RBFOX1: variants seen among roughly 807,000 people sequenced by gnomAD.
The protein encoded by RBFOX1 is RNA binding fox-1 homolog 1.
A neutral mutation model predicts 57.7 loss-of-function variants in RBFOX1; 8 were observed. That is an observed-to-expected ratio of 0.14 (90% CI 0.08 to 0.25). The LOEUF (loss-of-function observed/expected upper bound fraction) is 0.25. Ranked by LOEUF, RBFOX1 falls within the 10% of genes least tolerant of loss-of-function variation. The probability of loss-of-function intolerance (pLI) is 1.00; values close to 1 mark genes in which losing one functional copy is unlikely to be tolerated. For missense variants in RBFOX1, 611 were observed against 548.5 expected (o/e 1.11, Z -1.14); for synonymous variants, 326 against 222.4 (o/e 1.47, Z -4.15).
chr16:6,790,543 TCCTA>T (rs1021816857), intron 3 of RBFOX1, among the ~76,000 whole-genome samples: 1 of 152,196 alleles, frequency 6.6e-6, no homozygotes. Flanking sequence ...GGTTCTCCTT[TCCTA>T]TTTAGCCTCT....
intron 2 of RBFOX1, among the ~76,000 whole-genome samples, chr16:5,591,139 T>C (rs1596363993): frequency 6.6e-6 from 1 of 152,100 alleles, no homozygotes; most frequent in East Asian, 1.9e-4. Context: ...AAGTATCGGG[T>C]AGCATAAAAA....
chr16:5,899,144 C>CAA lies in RBFOX1; in HGVS notation c.351+31830_351+31831dup, dbSNP rs35163906. On this transcript the variant is annotated intron_variant, in intron 4 of 19. Coordinates refer to the RBFOX1 transcript ENST00000641259. ...CAGGAAACAGAGCGAGACCCTGTCTCAAAAAAAAAAAAAAAAAAAAAATAG... is the reference window on the plus strand; with the variant it reads ...CAGGAAACAGAGCGAGACCCTGTCTCAAAAAAAAAAAAAAAAAAAAAAAATAG... Among the ~76,000 whole-genome samples, 456 of 99,822 alleles carry CAA rather than the reference C, an allele frequency of 4.6e-3. 3 individuals are homozygous for CAA. Among genetic ancestry groups the CAA allele is most frequent in the East Asian group, 0.012 (44 of 3,552 alleles). 65.5% of individuals were successfully genotyped at this position (99,822 alleles called of 152,430 possible). A position where few individuals can be genotyped will look rare whatever the true frequency, so the allele number is the denominator to read the frequency against.
rs181647876 is a variant in RBFOX1 at position 6,969,243 on chromosome 16, G to A, written c.-15-82814G>A. Among the ~76,000 whole-genome samples the A allele has an allele frequency of 5.9e-5, 9 of 152,214 alleles. No homozygotes were observed. In the East Asian group the frequency reaches 1.7e-3, roughly 29 times the overall value. The stretch of plus-strand genomic sequence containing the variant: ...ATGTGAGAATGATAATGAAGTTCTT[G>A]GGAAGACCTTGGAGATTATGGATTT... On this transcript the variant is annotated intron_variant, in intron 3 of 15. Coordinates refer to ENST00000550418, the MANE Select transcript of RBFOX1 (RefSeq NM_018723.4).
At chr16:6,140,667 T>C (rs963097856) in intron 1 of RBFOX1, among the ~76,000 whole-genome samples, 4 of 152,212 alleles carry the variant, frequency 2.6e-5, no homozygotes, top group Admixed American at 6.5e-5. Flanking sequence ...TCTGTGTAAC[T>C]TGGATCTCTT....
At chr16:5,958,902 C>A (rs1455198186) in intron 4 of RBFOX1, among the ~76,000 whole-genome samples, 1 of 152,158 alleles carries the variant, frequency 6.6e-6, no homozygotes. Context: ...TCTAGGCACA[C>A]CCTGATAGTC....
intron 1 of RBFOX1, among the ~76,000 whole-genome samples, chr16:5,427,484 C>G (rs1275324314): frequency 6.6e-6 from 1 of 152,084 alleles, no homozygotes; most frequent in African/African-American, 2.4e-5. Flanking sequence ...ACTGGGAAGG[C>G]TGAGGCAGAA....
chr16:7,411,729 C>T (rs1432152437), intron 4 of RBFOX1, among the ~76,000 whole-genome samples: 1 of 151,978 alleles, frequency 6.6e-6, no homozygotes. Flanking sequence ...CATGGAGAAA[C>T]CCCGTCTCTA....
rs571218486 is a variant in RBFOX1, at chr16:6,762,642, T to C, written c.-16+107992T>C. On this transcript the variant is annotated intron_variant, in intron 3 of 15. Transcript: ENST00000550418. ...AAGTCATTTTATCAAAATTTAGTCC[T>C]GGTAGAAGAACTCCATTAAACTTGG... 2.4e-3 allele frequency among the ~76,000 whole-genome samples: 365 copies of C among 152,316 alleles called. 3 individuals are homozygous for C. Among genetic ancestry groups the C allele is most frequent in the African/African-American group, 8.1e-3 (336 of 41,566 alleles).
At chr16:5,741,710 G>A (rs545478520) in intron 3 of RBFOX1, among the ~76,000 whole-genome samples, 14 of 152,082 alleles carry the variant, frequency 9.2e-5, no homozygotes, top group Non-Finnish European at 1.6e-4. Context: ...AATTTGGGCC[G>A]GTTAAAGTGG....
At chr16:6,411,462 G>C (rs1425875726) in intron 2 of RBFOX1, among the ~76,000 whole-genome samples, 1 of 152,096 alleles carries the variant, frequency 6.6e-6, no homozygotes, top group African/African-American at 2.4e-5. Flanking sequence ...TTTTAGGTCT[G>C]GTGATAATTT....
At chr16:6,588,086 C>T (rs2097655935) in intron 2 of RBFOX1, among the ~76,000 whole-genome samples, 1 of 151,824 alleles carries the variant, frequency 6.6e-6, no homozygotes, top group South Asian at 2.1e-4. Flanking sequence ...CAAAAATTAG[C>T]TGGGCGTGGT....
intron 3 of RBFOX1, among the ~76,000 whole-genome samples, chr16:5,613,363 G>A (rs578233758): frequency 6.6e-6 from 1 of 152,240 alleles, no homozygotes; most frequent in South Asian, 2.1e-4. Context: ...AGGGTAAGTA[G>A]ACATATTTCT....
At chr16:7,020,266 C>G (rs945802696) in intron 3 of RBFOX1, among the ~76,000 whole-genome samples, 2 of 152,004 alleles carry the variant, frequency 1.3e-5, no homozygotes, top group African/African-American at 4.8e-5. Flanking sequence ...TGCCCTGTTA[C>G]CCAGGCTGGA....
At chr16:6,632,839 C>G (rs1045105380) in intron 2 of RBFOX1, among the ~76,000 whole-genome samples, 5 of 152,320 alleles carry the variant, frequency 3.3e-5, no homozygotes, top group African/African-American at 1.2e-4. Flanking sequence ...GAGCTGCTCT[C>G]TTTTCTTAAA....
chr16:5,269,416 C>T (rs1344063958), intron 1 of RBFOX1, among the ~76,000 whole-genome samples: 1 of 152,242 alleles, frequency 6.6e-6, no homozygotes, highest in South Asian at 2.1e-4. Flanking sequence ...AAAACTTGTA[C>T]ATGAATAATT....
At chr16:6,808,558 C>T (rs576543294) in intron 3 of RBFOX1, among the ~76,000 whole-genome samples, 1 of 152,190 alleles carries the variant, frequency 6.6e-6, no homozygotes, top group African/African-American at 2.4e-5. Flanking sequence ...CAAACATTGT[C>T]TGATGGGGAA....
At chr16:6,957,565 C>T (rs72774235) in intron 3 of RBFOX1, among the ~76,000 whole-genome samples, 32,250 of 152,042 alleles carry the variant, frequency 0.21, 4,323 homozygotes, top group Non-Finnish European at 0.29. Flanking sequence ...ACTCTCATCA[C>T]CATCTTGGTT....
At chr16:5,517,309 A>G (rs554979165) in intron 2 of RBFOX1, among the ~76,000 whole-genome samples, 2 of 151,964 alleles carry the variant, frequency 1.3e-5, no homozygotes, top group Non-Finnish European at 2.9e-5. Context: ...GGCTGTGTGG[A>G]CTGCCATCCC....
At chr16:7,019,816 A>T (rs1297874195) in intron 3 of RBFOX1, among the ~76,000 whole-genome samples, 5 of 152,148 alleles carry the variant, frequency 3.3e-5, no homozygotes, top group African/African-American at 1.2e-4. Context: ...ATTAATCCTG[A>T]ACATATGATT....
Sources: allele counts gnomAD v4.1 joint callset (sites outside exome capture counted in the v4.1 genomes callset), GRCh38; gene constraint gnomAD v4.1.1; transcripts MANE v1.5; gene names NCBI Gene and HGNC (gene_info 2026-07-23, HGNC 2026-07-21).